Variants in TGS1 observed in about 807,000 individuals in gnomAD.
TGS1 encodes the protein trimethylguanosine synthase.
A neutral mutation model predicts 92.2 loss-of-function variants in TGS1; 69 were observed. The observed-to-expected ratio is 0.75, with a 90% CI of 0.62 to 0.91. TGS1 has a LOEUF of 0.91. TGS1 is among the 40% of genes least tolerant of loss of function. The pLI, the probability that TGS1 is intolerant of heterozygous loss-of-function variation, is 0.00. For missense variants in TGS1, 1,062 were observed against 1,001.2 expected, an observed-to-expected ratio of 1.06 and a Z score of -0.82; for synonymous variants, 345 against 338.1, an observed-to-expected ratio of 1.02 and a Z score of -0.22.
chr8:55,800,098 TTCA>T (rs1812180774), intron 8 of TGS1, among the ~76,000 whole-genome samples: 2 of 152,336 alleles, frequency 1.3e-5, no homozygotes, highest in South Asian at 2.1e-4. Context: ...ATTGTGATCC[TTCA>T]TCATATTTCT....
intron 12 of TGS1, among the ~76,000 whole-genome samples, chr8:55,823,919 C>G (rs1803722397): frequency 6.7e-6 from 1 of 150,150 alleles, no homozygotes. Flanking sequence ...TCGAGACCAG[C>G]CTGGCCAACT....
Position 55,784,630 on chromosome 8 carries a change from A to G in TGS1, c.167-1089A>G, listed in dbSNP as rs181569177. Among the ~76,000 whole-genome samples, 470 of 152,304 alleles carry G rather than the reference A, an allele frequency of 3.1e-3. 5 individuals carry two copies. The highest frequency in any genetic ancestry group is 0.01 in the African/African-American group (417 of 41,568). On this transcript the variant is annotated intron_variant, in intron 2 of 12. Coordinates refer to ENST00000260129, the MANE Select transcript of TGS1 (RefSeq NM_024831.8). ...CCCAACCCCAGGATTTCAAACTTCTAATAGCAGAATCCTTTTGTTAAATCA... is the reference window on the plus strand; with the variant it reads ...CCCAACCCCAGGATTTCAAACTTCTGATAGCAGAATCCTTTTGTTAAATCA...
Position 55,811,112 on chromosome 8 carries a change from T to C in TGS1, c.2360+15T>C. 1 of 1,584,862 alleles carries C rather than the reference T, an allele frequency of 6.3e-7. No homozygotes were observed. The highest frequency in any genetic ancestry group is 8.6e-7 in the Non-Finnish European group (1 of 1,158,606). On this transcript the variant is annotated intron_variant, in intron 11 of 12. Coordinates refer to ENST00000260129, the MANE Select transcript of TGS1 (RefSeq NM_024831.8). ...TCTCCTGATGGATATCCTTTGGAAG[T>C]CTTAAGAGTTTACTGAAACAATGAT...
intron 12 of TGS1, among the ~76,000 whole-genome samples, chr8:55,819,176 T>C (rs1391003101): frequency 6.6e-6 from 1 of 152,088 alleles, no homozygotes; most frequent in East Asian, 1.9e-4. Context: ...GCTAAAGCAA[T>C]CTTTCTACTT....
intron 4 of TGS1, among the ~76,000 whole-genome samples, chr8:55,787,921 C>T (rs1471459871): frequency 1.3e-5 from 2 of 152,154 alleles, no homozygotes; most frequent in Admixed American, 1.3e-4. Context: ...GTCCCAGGCT[C>T]TTGTTAGCAA....
chr8:55,773,820 A>G, intron 1 of TGS1, 101 bp downstream of exon 1: 1 of 936,986 alleles, frequency 1.1e-6, no homozygotes, highest in Non-Finnish European at 1.6e-6. Context: ...AGCAGCCAGA[A>G]CATCTGACCC....
intron 12 of TGS1, among the ~76,000 whole-genome samples, chr8:55,818,605 T>G (rs1803547427): frequency 1.3e-5 from 2 of 152,270 alleles, no homozygotes; most frequent in South Asian, 2.1e-4. Context: ...TCGTTTGTTC[T>G]TAAACCATAT....
intron 10 of TGS1, 144 bp from the exon 11 acceptor site, chr8:55,810,737 A>G: frequency 4.6e-6 from 3 of 646,004 alleles, no homozygotes; most frequent in South Asian, 1.9e-5. Flanking sequence ...TGAAGTCTGT[A>G]TCTCGGGTAT....
At chr8:55,808,202 G>C (rs1028180765) in intron 10 of TGS1, among the ~76,000 whole-genome samples, 5 of 152,162 alleles carry the variant, frequency 3.3e-5, no homozygotes, top group African/African-American at 1.2e-4. Context: ...TGATAGCCTA[G>C]AGACAAGCTA....
chr8:55,815,736 G>A (rs1366290252), intron 12 of TGS1, among the ~76,000 whole-genome samples: 1 of 151,976 alleles, frequency 6.6e-6, no homozygotes, highest in Non-Finnish European at 1.5e-5. Context: ...CTAGTGAAAT[G>A]TTTTCCTAGG....
intron 12 of TGS1, among the ~76,000 whole-genome samples, chr8:55,819,336 G>A (rs1803571789): frequency 8.8e-6 from 1 of 113,702 alleles, no homozygotes; most frequent in African/African-American, 3.5e-5. Context: ...TGCTCTTGTT[G>A]CCCAGGCTGG....
In TGS1 at chr8:55,802,612, G is replaced by A. The variant is rs750441021; in HGVS notation, c.1999+6G>A. On this transcript the variant is annotated splice_donor_region_variant and intron_variant, in intron 9 of 12. Transcript: ENST00000260129. ...TGGGATTAAGTTGGACAGAGGTAAA[G>A]TATATATGTATTTTTTAGCTTTATT... 7 of 1,585,676 alleles carry A rather than the reference G, an allele frequency of 4.4e-6. No individual in the cohort carries two copies. The highest frequency in any genetic ancestry group is 1.2e-5 in the South Asian group (1 of 85,602).
intron 5 of TGS1, among the ~76,000 whole-genome samples, chr8:55,790,778 C>G (rs1417243745): frequency 2.6e-5 from 4 of 152,132 alleles, no homozygotes; most frequent in Non-Finnish European, 5.9e-5. Flanking sequence ...CTTGGCCTTC[C>G]AAAGCACTGG....
At chr8:55,803,008 TTTCAAG>T (rs1199889825) in intron 9 of TGS1, among the ~76,000 whole-genome samples, 1 of 152,190 alleles carries the variant, frequency 6.6e-6, no homozygotes, top group Non-Finnish European at 1.5e-5. Flanking sequence ...TGCGTTTATT[TTTCAAG>T]TTCTTTAGTT....
At position 55,773,649 on chromosome 8, in the gene TGS1, G is replaced by C. The variant is rs61754981; in HGVS notation, c.31G>C (p.Glu11Gln). 84 of 1,611,222 alleles carry C rather than the reference G, an allele frequency of 5.2e-5. No individual in the cohort carries two copies. Among genetic ancestry groups the C allele is most frequent in the Admixed American group, 1.2e-4 (7 of 59,532 alleles). Residue 11 changes from glutamate to glutamine, a missense_variant, in exon 1 of 13, where the codon GAA becomes CAA. Coordinates refer to ENST00000260129, the MANE Select transcript of TGS1 (RefSeq NM_024831.8). MCCEKWSRVA[E>Q]MFLFIEERED... ...CTGCGAGAAGTGGAGCCGCGTGGCG[G>C]AAATGTTTCTCTTCATTGAGGAGCG...
At chr8:55,787,883 A>AAG (rs201614625) in intron 4 of TGS1, among the ~76,000 whole-genome samples, 4 of 116,190 alleles carry the variant, frequency 3.4e-5, no homozygotes, top group African/African-American at 1.4e-4. Flanking sequence ...GCCACATGGC[A>AAG]AGAGAGAGAG....
intron 10 of TGS1, among the ~76,000 whole-genome samples, chr8:55,810,400 A>G (rs1803306185): frequency 6.6e-6 from 1 of 152,256 alleles, no homozygotes; most frequent in African/African-American, 2.4e-5. Context: ...ACTTGGCTAC[A>G]TAAGTTTGTA....
At chr8:55,822,299 T>G (rs2130264048) in intron 12 of TGS1, among the ~76,000 whole-genome samples, 1 of 152,210 alleles carries the variant, frequency 6.6e-6, no homozygotes, top group Middle Eastern at 3.4e-3. Flanking sequence ...CTCGATCTCC[T>G]GACCTCGTGA....
At position 55,814,659 on chromosome 8, in the gene TGS1, TAA is replaced by T. The variant is rs1186059592; in HGVS notation, c.2439+1556_2439+1557del. ...AACATGGCAAAACCCCGTCTCTACTTAAAAAAAAAAAAAAAATATATATATAT... is the reference window on the plus strand; with the variant it reads ...AACATGGCAAAACCCCGTCTCTACTTAAAAAAAAAAAAAATATATATATAT... On this transcript the variant is annotated intron_variant, in intron 12 of 12. Transcript: ENST00000260129. Among the ~76,000 whole-genome samples the T allele has an allele frequency of 2.8e-3, 322 of 116,126 alleles. 1 individual carries two copies. The highest frequency in any genetic ancestry group is 0.011 in the African/African-American group (302 of 28,194). 76.2% of individuals were successfully genotyped at this position (116,126 alleles called of 152,430 possible).
Sources: allele counts gnomAD v4.1 joint callset (sites outside exome capture counted in the v4.1 genomes callset), GRCh38; gene constraint gnomAD v4.1.1; transcripts MANE v1.5; gene names NCBI Gene and HGNC (gene_info 2026-07-23, HGNC 2026-07-21).